Variants in ALMS1 observed in about 807,000 individuals in gnomAD.
The protein encoded by ALMS1 is ALMS1 centrosome and basal body associated protein.
ALMS1 carries 271 observed loss-of-function variants against 352.2 expected under a neutral mutation model. The observed-to-expected ratio is 0.77, with a 90% CI of 0.70 to 0.85. The LOEUF (loss-of-function observed/expected upper bound fraction) is 0.85. Among genes scored for constraint, ALMS1 ranks in the 40% least tolerant of loss-of-function variants. ALMS1 has a pLI of 0.00. For missense variants in ALMS1, 5,445 were observed against 4,870.7 expected (o/e 1.12, Z -3.51); for synonymous variants, 1,865 against 1,761.2 (o/e 1.06, Z -1.48).
At chr2:73,563,855 A>G (rs1398111285) in intron 15 of ALMS1, among the ~76,000 whole-genome samples, 8 of 152,088 alleles carry the variant, frequency 5.3e-5, no homozygotes, top group Non-Finnish European at 1.0e-4. Flanking sequence ...TAGGGAGAAA[A>G]AAAATAAAAC....
chr2:73,525,457 A>G (rs1372583300), intron 11 of ALMS1, among the ~76,000 whole-genome samples: 3 of 152,178 alleles, frequency 2.0e-5, no homozygotes, highest in African/African-American at 7.2e-5. Context: ...ATATCTTTTG[A>G]ATAAAACCAT....
At chr2:73,555,817 G>A (rs1290001357) in intron 13 of ALMS1, among the ~76,000 whole-genome samples, 1 of 152,038 alleles carries the variant, frequency 6.6e-6, no homozygotes, top group African/African-American at 2.4e-5. Context: ...AATACATAAC[G>A]TTCAGAATCA....
At chr2:73,599,589 C>G in intron 17 of ALMS1, 68 bp downstream of exon 17, 2 of 1,502,700 alleles carry the variant, frequency 1.3e-6, no homozygotes, top group South Asian at 2.3e-5. Context: ...GTAAGATACT[C>G]AACCTCAATC....
At chr2:73,414,886 ATACTT>A (rs1394139459) in intron 2 of ALMS1, among the ~76,000 whole-genome samples, 1 of 152,158 alleles carries the variant, frequency 6.6e-6, no homozygotes. Flanking sequence ...TTGAAATAGA[ATACTT>A]TAAAGTGAAC....
intron 7 of ALMS1, among the ~76,000 whole-genome samples, chr2:73,438,174 G>A (rs1671643740): frequency 1.3e-5 from 2 of 152,188 alleles, no homozygotes; most frequent in South Asian, 2.1e-4. Flanking sequence ...TCAATAGGGT[G>A]AAGAGGAGGC....
chr2:73,504,030 A>G (rs548827516), intron 10 of ALMS1, among the ~76,000 whole-genome samples: 1 of 152,274 alleles, frequency 6.6e-6, no homozygotes, highest in South Asian at 2.1e-4. Flanking sequence ...GTTATGATCA[A>G]TTTCTACCTT....
At chr2:73,395,072 A>ATGTG (rs1558628491) in intron 1 of ALMS1, among the ~76,000 whole-genome samples, 7 of 107,574 alleles carry the variant, frequency 6.5e-5, no homozygotes, top group African/African-American at 3.1e-4. Flanking sequence ...ATATATATAT[A>ATGTG]TATATATTTT....
chr2:73,454,581 A>G (rs971611639), intron 8 of ALMS1, among the ~76,000 whole-genome samples: 1 of 152,166 alleles, frequency 6.6e-6, no homozygotes, highest in African/African-American at 2.4e-5. Context: ...AAATCAATGT[A>G]TTTTATACTA....
chr2:73,557,615 C>G (rs981225186), intron 14 of ALMS1, among the ~76,000 whole-genome samples: 1 of 152,052 alleles, frequency 6.6e-6, no homozygotes, highest in African/African-American at 2.4e-5. Flanking sequence ...AATCTAATTT[C>G]CAGAAATTCA....
At chr2:73,530,405 C>G (rs763151765) in intron 11 of ALMS1, among the ~76,000 whole-genome samples, 1 of 152,238 alleles carries the variant, frequency 6.6e-6, no homozygotes, top group Non-Finnish European at 1.5e-5. Context: ...TCCTTTGACT[C>G]CATGTCATAC....
At position 73,550,354 on chromosome 2, in the gene ALMS1, A is replaced by G. The variant is rs777406837; in HGVS notation, c.9995A>G (p.His3332Arg). ...CTCTCAGCCACTGTTAACATTAAACATAAAGAAGGAATCTACAGTAAGAGG... is the reference window on the plus strand; with the variant it reads ...CTCTCAGCCACTGTTAACATTAAACGTAAAGAAGGAATCTACAGTAAGAGG... The part of the protein sequence containing the change: ...DDLSATVNIK[H>R]KEGIYSKRVV... The change falls in exon 13 of 23, where the codon CAT becomes CGT. Residue 3332 changes from histidine (H) to arginine (R), a missense_variant. Physicochemically the swap from His to Arg is conservative, Grantham distance 29. Coordinates refer to ENST00000613296, the MANE Select transcript of ALMS1 (RefSeq NM_001378454.1). 3.7e-6 allele frequency: 6 copies of G among 1,614,206 alleles called. No homozygotes were observed. The Admixed American group carries it at 8.3e-5, about 22-fold the overall frequency.
chr2:73,550,569 T>C (rs1162529240), intron 13 of ALMS1, 132 bp downstream of exon 13: 1 of 1,171,322 alleles, frequency 8.5e-7, no homozygotes, highest in East Asian at 2.6e-5. Flanking sequence ...ATATTGAGCA[T>C]ATACAAGAAG....
chr2:73,583,305 G>A (rs909584646), intron 16 of ALMS1, among the ~76,000 whole-genome samples: 2 of 151,950 alleles, frequency 1.3e-5, no homozygotes, highest in East Asian at 3.9e-4. Context: ...TGGGATTATA[G>A]GCATGAGCCA....
At chr2:73,465,797 AAAC>A (rs1448418319) in intron 9 of ALMS1, among the ~76,000 whole-genome samples, 7 of 150,770 alleles carry the variant, frequency 4.6e-5, no homozygotes, top group Non-Finnish European at 7.4e-5. Flanking sequence ...TACAAGAAAA[AAAC>A]AACCCCATCA....
intron 19 of ALMS1, 28 bp downstream of exon 19, chr2:73,601,464 G>GCC: frequency 6.2e-7 from 1 of 1,611,322 alleles, no homozygotes; most frequent in East Asian, 2.2e-5. Flanking sequence ...TAACTTTAAT[G>GCC]CTACGTGTAG....
At chr2:73,501,334 A>AT (rs921747134) in intron 10 of ALMS1, among the ~76,000 whole-genome samples, 10 of 150,810 alleles carry the variant, frequency 6.6e-5, no homozygotes, top group African/African-American at 1.5e-4. Flanking sequence ...CACTTTGGTA[A>AT]TTTTTTTTTA....
intron 16 of ALMS1, among the ~76,000 whole-genome samples, chr2:73,589,887 T>C (rs1675388252): frequency 6.6e-6 from 1 of 152,214 alleles, no homozygotes; most frequent in African/African-American, 2.4e-5. Context: ...GCTTACAGGC[T>C]CGTATACTTA....
At chr2:73,571,849 A>G (rs1399565674) in intron 15 of ALMS1, among the ~76,000 whole-genome samples, 1 of 152,184 alleles carries the variant, frequency 6.6e-6, no homozygotes, top group East Asian at 1.9e-4. Context: ...ATGAAGTGTC[A>G]GGTTTCTTAG....
At chr2:73,582,456 T>C (rs925122928) in intron 16 of ALMS1, among the ~76,000 whole-genome samples, 1 of 152,232 alleles carries the variant, frequency 6.6e-6, no homozygotes. Context: ...ATTCACACTA[T>C]GTTGAAACCA....
Sources: allele counts gnomAD v4.1 joint callset (sites outside exome capture counted in the v4.1 genomes callset), GRCh38; gene constraint gnomAD v4.1.1; transcripts MANE v1.5; gene names NCBI Gene and HGNC (gene_info 2026-07-23, HGNC 2026-07-21).